Variants in FCHSD2 observed in about 807,000 individuals in gnomAD.
FCHSD2 encodes the protein F-BAR and double SH3 domains protein 2.
FCHSD2 carries 38 observed loss-of-function variants against 108.1 expected under a neutral mutation model. The ratio of observed to expected loss-of-function variants is 0.35; its 90% confidence interval spans 0.27 to 0.46. The LOEUF (loss-of-function observed/expected upper bound fraction) is 0.46, where lower values mean the gene tolerates loss of function less well. Among genes scored for constraint, FCHSD2 ranks in the 20% least tolerant of loss-of-function variants. The pLI is 1.00. For missense variants in FCHSD2, 751 were observed against 897.8 expected, an observed-to-expected ratio of 0.84 and a Z score of 2.09; for synonymous variants, 279 against 314.7, an observed-to-expected ratio of 0.89 and a Z score of 1.20.
intron 3 of FCHSD2, among the ~76,000 whole-genome samples, chr11:73,035,146 A>AG (rs1858456039): frequency 1.4e-5 from 2 of 142,816 alleles, no homozygotes; most frequent in African/African-American, 5.2e-5. Context: ...TTTAGTTTTT[A>AG]TTTTTATGTA....
intron 12 of FCHSD2, among the ~76,000 whole-genome samples, chr11:72,872,118 C>T (rs1032783878): frequency 2.6e-5 from 4 of 151,946 alleles, no homozygotes; most frequent in Admixed American, 6.6e-5. Flanking sequence ...GTATCATATA[C>T]GTCTTTATAT....
chr11:72,964,843 GCA>G (rs1856876668), intron 8 of FCHSD2, among the ~76,000 whole-genome samples: 1 of 147,552 alleles, frequency 6.8e-6, no homozygotes, highest in Non-Finnish European at 1.5e-5. Context: ...AGGCTGGAGC[GCA>G]CTGGCAGGAT....
chr11:73,062,225 G>C (rs552550708), intron 3 of FCHSD2, among the ~76,000 whole-genome samples: 21 of 152,320 alleles, frequency 1.4e-4, no homozygotes, highest in African/African-American at 4.8e-4. Context: ...GGGCCTGTCA[G>C]AAGGAAAACT....
At chr11:73,061,162 C>T (rs750189928) in intron 3 of FCHSD2, among the ~76,000 whole-genome samples, 19 of 152,136 alleles carry the variant, frequency 1.2e-4, no homozygotes, top group Non-Finnish European at 2.5e-4. Flanking sequence ...CCATGGAAGG[C>T]GAGCCGAAGC....
At chr11:73,011,440 C>G (rs1372425383) in intron 4 of FCHSD2, among the ~76,000 whole-genome samples, 1 of 152,208 alleles carries the variant, frequency 6.6e-6, no homozygotes, top group Non-Finnish European at 1.5e-5. Context: ...GCAGCACTTA[C>G]ACTGCTAACC....
At chr11:72,881,131 C>T (rs962352405) in intron 12 of FCHSD2, among the ~76,000 whole-genome samples, 2 of 152,110 alleles carry the variant, frequency 1.3e-5, no homozygotes, top group African/African-American at 4.8e-5. Context: ...ATTCATGCAA[C>T]AAGGGACTAA....
chr11:73,073,403 C>T (rs1215789011), intron 3 of FCHSD2, among the ~76,000 whole-genome samples: 1 of 152,224 alleles, frequency 6.6e-6, no homozygotes, highest in African/African-American at 2.4e-5. Flanking sequence ...AAAAAGTTCA[C>T]TGCTTGAATT....
chr11:72,899,761 C>CT (rs1358435322), intron 10 of FCHSD2, among the ~76,000 whole-genome samples: 1 of 68,060 alleles, frequency 1.5e-5, no homozygotes, highest in African/African-American at 5.4e-5. Flanking sequence ...AAAAAAAAGA[C>CT]TTTTTAAATG....
chr11:73,068,971 C>T (rs1307680969), intron 3 of FCHSD2, among the ~76,000 whole-genome samples: 2 of 150,294 alleles, frequency 1.3e-5, no homozygotes, highest in African/African-American at 2.5e-5. Flanking sequence ...GTCATGACTT[C>T]GCCACTGCAC....
chr11:72,972,609 C>A (rs896386630), intron 8 of FCHSD2, among the ~76,000 whole-genome samples: 1 of 152,142 alleles, frequency 6.6e-6, no homozygotes, highest in African/African-American at 2.4e-5. Context: ...AAAAATATTT[C>A]GAAATAATTA....
At chr11:72,967,360 G>T (rs1272945879) in intron 8 of FCHSD2, among the ~76,000 whole-genome samples, 1 of 152,030 alleles carries the variant, frequency 6.6e-6, no homozygotes, top group Non-Finnish European at 1.5e-5. Flanking sequence ...CAACCCAAAT[G>T]CCCATCAACT....
intron 10 of FCHSD2, among the ~76,000 whole-genome samples, chr11:72,893,504 T>C (rs186694868): frequency 1.3e-5 from 2 of 151,804 alleles, no homozygotes; most frequent in Non-Finnish European, 2.9e-5. Flanking sequence ...TTAGTAGAGA[T>C]GAGATCTCAC....
chr11:73,004,412 C>G (rs1292061161), intron 4 of FCHSD2, among the ~76,000 whole-genome samples: 2 of 152,176 alleles, frequency 1.3e-5, no homozygotes, highest in Non-Finnish European at 2.9e-5. Flanking sequence ...CTTCTGATTT[C>G]TGACTAACAC....
At chr11:73,027,746 G>A (rs529475500) in intron 3 of FCHSD2, among the ~76,000 whole-genome samples, 1 of 152,338 alleles carries the variant, frequency 6.6e-6, no homozygotes, top group East Asian at 1.9e-4. Flanking sequence ...AGGAAAAATG[G>A]TTTTGTAGCC....
At chr11:72,910,154 T>C (rs1360645884) in intron 9 of FCHSD2, among the ~76,000 whole-genome samples, 1 of 150,558 alleles carries the variant, frequency 6.6e-6, no homozygotes, top group Non-Finnish European at 1.5e-5. Flanking sequence ...CTGCCCCATC[T>C]GGGAAGTGAG....
At chr11:73,024,631 AT>A (rs944366703) in intron 3 of FCHSD2, among the ~76,000 whole-genome samples, 1 of 152,180 alleles carries the variant, frequency 6.6e-6, no homozygotes, top group African/African-American at 2.4e-5. Context: ...AAAATCAAGC[AT>A]TGACAAATGG....
At chr11:73,132,992 A>C (rs1861039167) in intron 2 of FCHSD2, among the ~76,000 whole-genome samples, 1 of 152,218 alleles carries the variant, frequency 6.6e-6, no homozygotes, top group South Asian at 2.1e-4. Flanking sequence ...AGATATACAA[A>C]TGGCCAATAA....
At chr11:72,843,043 T>C (rs1490165729) in intron 16 of FCHSD2, 108 bp downstream of exon 16, 3 of 1,108,488 alleles carry the variant, frequency 2.7e-6, no homozygotes, top group Admixed American at 2.2e-5. Context: ...AAGCATATTA[T>C]AGGACAGGAG....
At position 73,094,040 on chromosome 11, in the gene FCHSD2, GTC is replaced by G. The variant is rs1179018524; in HGVS notation, c.120-10302_120-10301del. 3.3e-5 allele frequency among the ~76,000 whole-genome samples: 5 copies of G among 152,112 alleles called. No homozygotes were observed. In the South Asian group the frequency reaches 1.0e-3, roughly 32 times the overall value. The stretch of plus-strand genomic sequence containing the variant: ...AGCCTGGCCAACATGGTAAAACCCC[GTC>G]TCTACTAAAAATACAAAACTTAGCC... On this transcript the variant is annotated intron_variant, in intron 2 of 19. Transcript: ENST00000409418.
Sources: allele counts gnomAD v4.1 joint callset (sites outside exome capture counted in the v4.1 genomes callset), GRCh38; gene constraint gnomAD v4.1.1; transcripts MANE v1.5; gene names NCBI Gene and HGNC (gene_info 2026-07-23, HGNC 2026-07-21).